GNAQ: variants seen among roughly 807,000 people sequenced by gnomAD.
The protein encoded by GNAQ is G protein subunit alpha q, also known as guanine nucleotide-binding protein G(q) subunit alpha.
In GNAQ, 8 loss-of-function variants were observed where a neutral mutation model predicts 43.9. That is an observed-to-expected ratio of 0.18 (90% CI 0.11 to 0.33). The LOEUF (loss-of-function observed/expected upper bound fraction) is 0.33. Among genes scored for constraint, GNAQ ranks in the 10% least tolerant of loss-of-function variants. The pLI, the probability that GNAQ is intolerant of heterozygous loss-of-function variation, is 1.00. For synonymous variants in GNAQ, 155 were observed against 170.7 expected, an observed-to-expected ratio of 0.91 and a Z score of 0.71; for missense variants, 158 against 450.8, an observed-to-expected ratio of 0.35 and a Z score of 5.88.
intron 5 of GNAQ, among the ~76,000 whole-genome samples, chr9:77,729,286 A>G (rs556751360): frequency 6.6e-6 from 1 of 152,316 alleles, no homozygotes; most frequent in African/African-American, 2.4e-5. Context: ...TATACTATTA[A>G]TATAGAATTG....
intron 1 of GNAQ, among the ~76,000 whole-genome samples, chr9:78,010,441 A>T (rs931232529): frequency 1.3e-5 from 2 of 152,172 alleles, no homozygotes; most frequent in Admixed American, 6.5e-5. Context: ...CTCATCACTG[A>T]ATTTAGAGGG....
intron 2 of GNAQ, among the ~76,000 whole-genome samples, chr9:77,881,238 A>G (rs924113760): frequency 6.6e-6 from 1 of 152,166 alleles, no homozygotes; most frequent in African/African-American, 2.4e-5. Context: ...ACACAGACAC[A>G]CATTACAATG....
intron 5 of GNAQ, among the ~76,000 whole-genome samples, chr9:77,751,795 C>A (rs1006651719): frequency 7.3e-6 from 1 of 137,276 alleles, no homozygotes; most frequent in African/African-American, 3.5e-5. Flanking sequence ...CTCCAAAAAA[C>A]AAACAAACAA....
At chr9:77,855,007 T>A (rs770949349) in intron 2 of GNAQ, among the ~76,000 whole-genome samples, 68 of 152,290 alleles carry the variant, frequency 4.5e-4, no homozygotes, top group South Asian at 8.3e-4. Context: ...TGCAGATATT[T>A]TACTGGTTAC....
chr9:77,987,611 C>T (rs1037211487), intron 1 of GNAQ, among the ~76,000 whole-genome samples: 7 of 152,226 alleles, frequency 4.6e-5, no homozygotes, highest in Admixed American at 2.6e-4. Flanking sequence ...TCATCCGGTC[C>T]GCAATATTTA....
intron 2 of GNAQ, among the ~76,000 whole-genome samples, chr9:77,913,970 C>A (rs1828853488): frequency 6.6e-6 from 1 of 152,068 alleles, no homozygotes; most frequent in African/African-American, 2.4e-5. Flanking sequence ...GTTTCAGAAC[C>A]CTCCTCTGAT....
At chr9:77,779,785 C>T (rs1826363245) in intron 5 of GNAQ, among the ~76,000 whole-genome samples, 1 of 150,326 alleles carries the variant, frequency 6.7e-6, no homozygotes, top group Admixed American at 6.6e-5. Context: ...TCAAGGAACA[C>T]TAGAAAAACT....
intron 2 of GNAQ, among the ~76,000 whole-genome samples, chr9:77,883,246 A>G (rs1237173129): frequency 6.6e-6 from 1 of 152,158 alleles, no homozygotes; most frequent in African/African-American, 2.4e-5. Context: ...GTCCCCAGCT[A>G]GCCTAGCCTC....
chr9:77,901,635 ACTCTC>A (rs1180572428), intron 2 of GNAQ, among the ~76,000 whole-genome samples: 1 of 151,752 alleles, frequency 6.6e-6, no homozygotes, highest in East Asian at 1.9e-4. Flanking sequence ...AGAGAACCTT[ACTCTC>A]CTCTGCATTC....
chr9:77,717,011 G>T lies in GNAQ; in HGVS notation c.*4312C>A, dbSNP rs1421255776. The T allele has an allele frequency of 4.3e-6, 1 of 232,654 alleles. No homozygotes were observed. Among genetic ancestry groups the T allele is most frequent in the Non-Finnish European group, 8.5e-6 (1 of 117,786 alleles). The allele number at this position is 232,654 out of a possible 1,614,324, so 14.4% of individuals were successfully genotyped here. ...TACTAAGTTATCTACTAAACAGCAGGTGTCTGGCTCCAAAAATCTCTAGCT... is the reference window on the plus strand; with the variant it reads ...TACTAAGTTATCTACTAAACAGCAGTTGTCTGGCTCCAAAAATCTCTAGCT... On this transcript the variant is annotated 3_prime_UTR_variant, in exon 7 of 7. Transcript: ENST00000286548.
At chr9:77,848,110 C>G (rs142141681) in intron 2 of GNAQ, among the ~76,000 whole-genome samples, 11 of 152,294 alleles carry the variant, frequency 7.2e-5, no homozygotes, top group Admixed American at 2.0e-4. Context: ...TCAATGAGAA[C>G]AGTCCCACCT....
rs528301213 is a variant in GNAQ at position 77,816,107 on chromosome 9, TAAAAG to T, written c.322-342_322-338del. Among the ~76,000 whole-genome samples, 14 of 152,268 alleles carry T rather than the reference TAAAAG, an allele frequency of 9.2e-5. No homozygotes were observed. The South Asian group carries it at 2.9e-3, about 32-fold the overall frequency. On this transcript the variant is annotated intron_variant, in intron 2 of 6. Transcript: ENST00000286548. ...TATCATAATCCTAAAATGTTATTAT[TAAAAG>T]AAAAGGAGGCAGGAGTAATTATCCC...
At chr9:77,948,284 A>G (rs1000743972) in intron 1 of GNAQ, among the ~76,000 whole-genome samples, 2 of 152,242 alleles carry the variant, frequency 1.3e-5, no homozygotes, top group Non-Finnish European at 2.9e-5. Flanking sequence ...AACTATAGTC[A>G]TTTTAAACTG....
At chr9:77,908,457 T>C (rs554899411) in intron 2 of GNAQ, among the ~76,000 whole-genome samples, 5 of 152,260 alleles carry the variant, frequency 3.3e-5, no homozygotes, top group African/African-American at 1.2e-4. Flanking sequence ...ACTGTGCACT[T>C]TCCCCAAACA....
intron 3 of GNAQ, among the ~76,000 whole-genome samples, chr9:77,800,976 G>A (rs561063249): frequency 9.9e-5 from 15 of 152,226 alleles, no homozygotes; most frequent in Non-Finnish European, 1.9e-4. Flanking sequence ...ATCTCTACTC[G>A]CTTAATGCCG....
intron 1 of GNAQ, among the ~76,000 whole-genome samples, chr9:77,924,851 C>T (rs1158078383): frequency 6.6e-6 from 1 of 152,096 alleles, no homozygotes; most frequent in Non-Finnish European, 1.5e-5. Flanking sequence ...TCTCAACCAT[C>T]TCATCTTGCT....
At chr9:77,863,667 G>A (rs1354981304) in intron 2 of GNAQ, among the ~76,000 whole-genome samples, 3 of 131,888 alleles carry the variant, frequency 2.3e-5, no homozygotes, top group Non-Finnish European at 3.3e-5. Context: ...AGACATATTT[G>A]AGACTTGGCC....
At chr9:77,854,865 T>G (rs1264808517) in intron 2 of GNAQ, among the ~76,000 whole-genome samples, 1 of 152,196 alleles carries the variant, frequency 6.6e-6, no homozygotes, top group Non-Finnish European at 1.5e-5. Flanking sequence ...TTTGCTCACC[T>G]AGAAGTTCAG....
intron 5 of GNAQ, among the ~76,000 whole-genome samples, chr9:77,752,228 TG>T (rs1263229333): frequency 6.6e-6 from 1 of 152,144 alleles, no homozygotes; most frequent in Non-Finnish European, 1.5e-5. Context: ...CTGCAGTTAA[TG>T]TACCTCGGTA....
Sources: gnomAD v4.1 joint callset for allele counts (sites outside exome capture counted in the v4.1 genomes callset) on GRCh38, gnomAD v4.1.1 for gene constraint, MANE v1.5 for transcripts, NCBI Gene and HGNC (gene_info 2026-07-23, HGNC 2026-07-21) for gene names.